Variants in TLL1 observed in about 807,000 individuals in gnomAD.
The protein encoded by TLL1 is tolloid like 1, also known as tolloid-like protein 1.
A neutral mutation model predicts 128.2 loss-of-function variants in TLL1; 49 were observed. The observed-to-expected ratio is 0.38, with a 90% CI of 0.30 to 0.48. The LOEUF is 0.48. TLL1 is among the 20% of genes least tolerant of loss of function. The pLI, the probability that TLL1 is intolerant of heterozygous loss-of-function variation, is 0.96. For synonymous variants in TLL1, 454 were observed against 418.8 expected (o/e 1.08, Z -1.03); for missense variants, 1,123 against 1,242.0 (o/e 0.90, Z 1.44).
intron 12 of TLL1, among the ~76,000 whole-genome samples, chr4:166,046,379 A>C (rs1006165359): frequency 1.3e-5 from 2 of 152,200 alleles, no homozygotes; most frequent in Non-Finnish European, 1.5e-5. Context: ...TTCACAAGTC[A>C]CAGGATTTAA....
intron 1 of TLL1, among the ~76,000 whole-genome samples, chr4:165,960,472 C>T (rs1408906499): frequency 6.6e-6 from 1 of 152,068 alleles, no homozygotes; most frequent in African/African-American, 2.4e-5. Flanking sequence ...AGGAAGCCAG[C>T]ATTATCCTGA....
At chr4:166,070,065 A>C (rs972687165) in intron 16 of TLL1, among the ~76,000 whole-genome samples, 2 of 151,814 alleles carry the variant, frequency 1.3e-5, no homozygotes, top group Admixed American at 1.3e-4. Context: ...TCTAGAAGAT[A>C]TATAGTCCAA....
chr4:165,938,656 T>A (rs547277870), intron 1 of TLL1, among the ~76,000 whole-genome samples: 84 of 152,258 alleles, frequency 5.5e-4, no homozygotes, highest in African/African-American at 1.9e-3. Context: ...ATTACAGTCA[T>A]TTAACTGCCA....
chr4:165,997,653 C>G (rs549674027), intron 5 of TLL1, among the ~76,000 whole-genome samples: 21 of 152,262 alleles, frequency 1.4e-4, no homozygotes, highest in African/African-American at 4.6e-4. Flanking sequence ...CTATAGTCAG[C>G]TCTTATTCAT....
At chr4:165,956,618 T>G (rs1734810905) in intron 1 of TLL1, among the ~76,000 whole-genome samples, 1 of 151,898 alleles carries the variant, frequency 6.6e-6, no homozygotes, top group African/African-American at 2.4e-5. Flanking sequence ...ATTCTCTTCT[T>G]TTTCAAGGTG....
intron 18 of TLL1, among the ~76,000 whole-genome samples, chr4:166,086,487 TG>T (rs1175810179): frequency 1.3e-5 from 2 of 152,068 alleles, no homozygotes; most frequent in Non-Finnish European, 2.9e-5. Flanking sequence ...AGGGTCAAGG[TG>T]GTTGCAATTG....
At chr4:165,903,574 C>T (rs887260418) in intron 1 of TLL1, among the ~76,000 whole-genome samples, 3 of 151,312 alleles carry the variant, frequency 2.0e-5, no homozygotes, top group Admixed American at 6.6e-5. Context: ...CACCATGCCC[C>T]ACTAATTTTT....
Position 165,989,464 on chromosome 4 carries a change from C to T in TLL1, c.253C>T (p.Pro85Ser). The change falls in exon 2 of 21, where the codon CCC becomes TCC. Residue 85 changes from proline (P) to serine (S), a missense_variant. Around this residue, in one of 3 missense-constraint regions of TLL1, gnomAD observed 480 missense variants for 542.4 expected, o/e 0.89. Coordinates refer to ENST00000061240, the MANE Select transcript of TLL1 (RefSeq NM_012464.5). ...TAGGACAATTGACCTTACGCAGAAC[C>T]CCTTTGGAAACCTTGGACATACCAC... ...IDRTIDLTQN[P>S]FGNLGHTTGG... The T allele has an allele frequency of 1.2e-6, 2 of 1,612,548 alleles. No individual in the cohort carries two copies. Among genetic ancestry groups the T allele is most frequent in the African/African-American group, 1.3e-5 (1 of 74,866 alleles).
intron 18 of TLL1, among the ~76,000 whole-genome samples, chr4:166,088,211 G>A (rs1318770862): frequency 1.3e-5 from 2 of 152,016 alleles, no homozygotes; most frequent in Non-Finnish European, 2.9e-5. Context: ...AGTGTCTTCT[G>A]GGGACATTTC....
intron 1 of TLL1, among the ~76,000 whole-genome samples, chr4:165,889,396 A>T (rs1037081833): frequency 1.3e-5 from 2 of 152,230 alleles, no homozygotes; most frequent in African/African-American, 4.8e-5. Context: ...TGTGTGATAA[A>T]TCCAGAAGTT....
At chr4:165,881,302 T>A (rs1730955950) in intron 1 of TLL1, among the ~76,000 whole-genome samples, 1 of 152,222 alleles carries the variant, frequency 6.6e-6, no homozygotes, top group Non-Finnish European at 1.5e-5. Flanking sequence ...TTTACATTTT[T>A]GCATTAAAAA....
At chr4:165,956,278 C>G (rs552170868) in intron 1 of TLL1, among the ~76,000 whole-genome samples, 2 of 152,184 alleles carry the variant, frequency 1.3e-5, no homozygotes, top group African/African-American at 4.8e-5. Flanking sequence ...GAGAACCGAT[C>G]TGACCACAAA....
intron 18 of TLL1, among the ~76,000 whole-genome samples, chr4:166,090,476 G>C (rs1258515407): frequency 6.6e-6 from 1 of 151,956 alleles, no homozygotes; most frequent in African/African-American, 2.4e-5. Flanking sequence ...TCATAAATAA[G>C]AGCAAAGCAT....
chr4:166,066,990 A>G (rs1560849103), intron 16 of TLL1, among the ~76,000 whole-genome samples: 1 of 151,826 alleles, frequency 6.6e-6, no homozygotes, highest in Non-Finnish European at 1.5e-5. Context: ...AGACAAGGTT[A>G]CTTATCTTAA....
intron 1 of TLL1, among the ~76,000 whole-genome samples, chr4:165,931,718 C>CAAAAAAAAAAAAAACA (rs761214388): frequency 7.5e-6 from 1 of 133,486 alleles, no homozygotes; most frequent in Non-Finnish European, 1.6e-5. Flanking sequence ...GACTCTGTCT[C>CAAAAAAAAAAAAAACA]AAAAGAAAAA....
At chr4:165,907,982 C>G (rs1304368440) in intron 1 of TLL1, among the ~76,000 whole-genome samples, 2 of 152,202 alleles carry the variant, frequency 1.3e-5, no homozygotes, top group Non-Finnish European at 2.9e-5. Context: ...AAGAGATACT[C>G]TTTACCAGTT....
At chr4:165,997,922 T>G in intron 5 of TLL1, among the ~76,000 whole-genome samples, 1 of 152,296 alleles carries the variant, frequency 6.6e-6, no homozygotes, top group Non-Finnish European at 1.5e-5. Context: ...CTTATATTGG[T>G]AAAAGGTTTG....
Position 166,003,847 on chromosome 4 carries a change from C to A in TLL1, c.811+278C>A, listed in dbSNP as rs536391486. ...GGTGCTTTCCAAGAATGAGTGTGAGCTATTGAGCCATAAATTAATATTATT... is the reference window on the plus strand; with the variant it reads ...GGTGCTTTCCAAGAATGAGTGTGAGATATTGAGCCATAAATTAATATTATT... On this transcript the variant is annotated intron_variant, in intron 6 of 20. Transcript: ENST00000061240. 4.6e-5 allele frequency among the ~76,000 whole-genome samples: 7 copies of A among 151,924 alleles called. No homozygotes were observed. In the South Asian group the frequency reaches 1.2e-3, roughly 27 times the overall value.
intron 8 of TLL1, among the ~76,000 whole-genome samples, chr4:166,018,338 A>G (rs7669159): frequency 0.52 from 78,819 of 151,980 alleles, 21,601 homozygotes; most frequent in African/African-American, 0.71. Context: ...GTGAGACCTC[A>G]AACTATAAGA....
Sources: allele counts gnomAD v4.1 joint callset (sites outside exome capture counted in the v4.1 genomes callset), GRCh38; gene constraint gnomAD v4.1.1; regional missense constraint gnomAD v4.1.1; transcripts MANE v1.5; gene names NCBI Gene and HGNC (gene_info 2026-07-23, HGNC 2026-07-21).